The following TMEM87B variants were observed in gnomAD, a reference collection of about 807,000 sequenced individuals.
TMEM87B encodes transmembrane protein 87B.
TMEM87B carries 83 observed loss-of-function variants against 80.3 expected under a neutral mutation model. That is an observed-to-expected ratio of 1.03 (90% CI 0.87 to 1.24). The LOEUF is 1.24. TMEM87B is among the 50% of genes most tolerant of loss of function. The pLI is 0.00. For synonymous variants in TMEM87B, 219 were observed against 230.5 expected, an observed-to-expected ratio of 0.95 and a Z score of 0.45; for missense variants, 625 against 674.4, an observed-to-expected ratio of 0.93 and a Z score of 0.81.
At chr2:112,066,315 G>C (rs183267436) in intron 3 of TMEM87B, among the ~76,000 whole-genome samples, 20 of 152,246 alleles carry the variant, frequency 1.3e-4, no homozygotes, top group African/African-American at 4.8e-4. Context: ...GGTCGGACTT[G>C]TTGATTTTTA....
chr2:112,060,995 G>A (rs180799715), intron 2 of TMEM87B, among the ~76,000 whole-genome samples: 53 of 152,208 alleles, frequency 3.5e-4, no homozygotes, highest in African/African-American at 1.3e-3. Context: ...TTGCTTTTAC[G>A]AATATATGAA....
At position 112,081,428 on chromosome 2, in the gene TMEM87B, T is replaced by C; in HGVS notation, c.748T>C (p.Phe250Leu). Residue 250 changes from phenylalanine (F) to leucine (L), a missense_variant, in exon 8 of 19, where the codon TTC becomes CTC. Physicochemically the swap from Phe to Leu is conservative, Grantham distance 22. Transcript: ENST00000283206. ...CYWKDILRIQ[F>L]WIAAVIFLGM... is the part of the protein sequence containing the mutation. ...TTGGAAAGATATATTAAGAATCCAGTTCTGGATTGCAGCTGTTATTTTTTT... is the reference window on the plus strand; with the variant it reads ...TTGGAAAGATATATTAAGAATCCAGCTCTGGATTGCAGCTGTTATTTTTTT... 2 of 1,613,868 alleles carry C rather than the reference T, an allele frequency of 1.2e-6. No homozygotes were observed. The highest frequency in any genetic ancestry group is 1.3e-5 in the African/African-American group (1 of 75,066).
intron 17 of TMEM87B, among the ~76,000 whole-genome samples, chr2:112,108,742 ACTTTAT>A (rs1679837472): frequency 6.6e-6 from 1 of 151,776 alleles, no homozygotes; most frequent in African/African-American, 2.4e-5. Context: ...CAGGATTTTA[ACTTTAT>A]CTTTAGTTTT....
At chr2:112,113,042 CAGAA>C in intron 18 of TMEM87B, 113 bp downstream of exon 18, 9 of 949,110 alleles carry the variant, frequency 9.5e-6, no homozygotes, top group East Asian at 2.5e-5. Flanking sequence ...ATTGAACAGA[CAGAA>C]AGATGCTATG....
intron 4 of TMEM87B, among the ~76,000 whole-genome samples, chr2:112,074,137 A>C (rs1243492187): frequency 1.3e-5 from 2 of 152,140 alleles, no homozygotes; most frequent in African/African-American, 2.4e-5. Context: ...GTTATTACGC[A>C]GACTCATCTG....
rs372251531 is a variant in TMEM87B, at chr2:112,086,238, A to AT, written c.938+139dup. The AT allele has an allele frequency of 1.7e-5, 10 of 591,270 alleles. No individual in the cohort carries two copies. The African/African-American group carries it at 1.7e-4, about 10-fold the overall frequency. 36.6% of individuals were successfully genotyped at this position (591,270 alleles called of 1,614,324 possible). A position where few individuals can be genotyped will look rare whatever the true frequency, so the allele number is the denominator to read the frequency against. On this transcript the variant is annotated intron_variant, in intron 9 of 18. Coordinates refer to ENST00000283206, the MANE Select transcript of TMEM87B (RefSeq NM_032824.3). ...CTTTGGGAAAAATCTACAAGAACAC[A>AT]TTTTTAAAAGATTTCCACATACTTG...
intron 15 of TMEM87B, among the ~76,000 whole-genome samples, chr2:112,101,333 AG>A (rs998396144): frequency 3.9e-5 from 6 of 152,318 alleles, no homozygotes; most frequent in African/African-American, 1.4e-4. Context: ...GAAAACAAAT[AG>A]AAAAAAATCA....
intron 4 of TMEM87B, among the ~76,000 whole-genome samples, chr2:112,072,895 C>CTTTTTTTT (rs71226782): frequency 2.0e-3 from 165 of 82,980 alleles, no homozygotes; most frequent in Non-Finnish European, 2.7e-3. Context: ...AACTCTTCTT[C>CTTTTTTTT]TTTTTTTTTT....
chr2:112,101,467 C>T (rs1276961323), intron 15 of TMEM87B, among the ~76,000 whole-genome samples: 1 of 152,130 alleles, frequency 6.6e-6, no homozygotes, highest in African/African-American at 2.4e-5. Flanking sequence ...TTAGGGGCAC[C>T]AAACTCCTGA....
intron 4 of TMEM87B, 121 bp from the exon 5 acceptor site, chr2:112,074,791 C>A: frequency 8.2e-7 from 1 of 1,223,540 alleles, no homozygotes; most frequent in Non-Finnish European, 1.1e-6. Flanking sequence ...GAGATTTGTT[C>A]TTTGATGTTT....
At chr2:112,067,886 C>G (rs938286329) in intron 4 of TMEM87B, among the ~76,000 whole-genome samples, 14 of 152,196 alleles carry the variant, frequency 9.2e-5, no homozygotes, top group Non-Finnish European at 1.8e-4. Flanking sequence ...TGCCTTTTCT[C>G]CCTACCAGTG....
chr2:112,055,650 C>T lies in TMEM87B; in HGVS notation c.59C>T (p.Pro20Leu), dbSNP rs1227359640. 8 of 1,568,038 alleles carry T rather than the reference C, an allele frequency of 5.1e-6. No individual in the cohort carries two copies. Among genetic ancestry groups the T allele is most frequent in the Non-Finnish European group, 6.9e-6 (8 of 1,159,954 alleles). The change falls in exon 1 of 19, where the codon CCC (proline) becomes CTC (leucine). Residue 20 changes from proline to leucine, a missense_variant. Transcript: ENST00000283206. Reference sequence around the variant, plus strand: ...CTGCCACGCCGCCGCCGCTGCTTTCCCGCCCGGGCCCCGCTGCTGCGCGTC... The same window carrying T: ...CTGCCACGCCGCCGCCGCTGCTTTCTCGCCCGGGCCCCGCTGCTGCGCGTC... The part of the protein sequence containing the change: ...GLLPRRRRCF[P>L]ARAPLLRVAL...
chr2:112,057,713 C>G (rs6760032), intron 1 of TMEM87B, among the ~76,000 whole-genome samples: 109,190 of 152,126 alleles, frequency 0.72, 39,566 homozygotes, highest in East Asian at 0.91. Flanking sequence ...CACAATAATA[C>G]GGATAACAGA....
intron 14 of TMEM87B, among the ~76,000 whole-genome samples, chr2:112,100,320 A>G (rs1679595675): frequency 6.6e-6 from 1 of 152,192 alleles, no homozygotes; most frequent in Non-Finnish European, 1.5e-5. Context: ...CAGAGAGGTA[A>G]ACCTGACATG....
chr2:112,056,853 C>T (rs1024026099), intron 1 of TMEM87B, among the ~76,000 whole-genome samples: 21 of 152,164 alleles, frequency 1.4e-4, no homozygotes, highest in African/African-American at 4.8e-4. Flanking sequence ...GTCTGCACAT[C>T]TCCATTATTT....
At chr2:112,095,438 A>C in intron 11 of TMEM87B, 1 of 983,238 alleles carries the variant, frequency 1.0e-6, no homozygotes, top group African/African-American at 1.7e-5. Flanking sequence ...GTGGAGGCTT[A>C]GGCAATTTCA....
rs1372175599 is a variant in TMEM87B, at chr2:112,118,541, AT to A, written c.*2401del. ...ATTTGCTTAAAAGGGAATTTTCATGATTTGATTTAGATTAGTATTTAAATAT... is the reference window on the plus strand; with the variant it reads ...ATTTGCTTAAAAGGGAATTTTCATGATTGATTTAGATTAGTATTTAAATAT... On this transcript the variant is annotated 3_prime_UTR_variant, in exon 19 of 19. Transcript: ENST00000283206. The A allele has an allele frequency of 6.6e-6, 1 of 152,144 alleles. No homozygotes were observed. Among genetic ancestry groups the A allele is most frequent in the African/African-American group, 2.4e-5 (1 of 41,438 alleles). The allele number at this position is 152,144 out of a possible 1,614,324, so 9.4% of individuals were successfully genotyped here.
chr2:112,064,107 T>C (rs1573681479), intron 2 of TMEM87B, 55 bp from the exon 3 acceptor site: 1 of 1,446,324 alleles, frequency 6.9e-7, no homozygotes, highest in East Asian at 2.3e-5. Context: ...ACCTTAAGTT[T>C]ATATTAGAGT....
intron 4 of TMEM87B, among the ~76,000 whole-genome samples, chr2:112,074,360 TC>T (rs1188350090): frequency 6.6e-6 from 1 of 152,228 alleles, no homozygotes; most frequent in African/African-American, 2.4e-5. Flanking sequence ...GGTTGGAATT[TC>T]TTTTGTTTAA....
Sources: allele counts gnomAD v4.1 joint callset (sites outside exome capture counted in the v4.1 genomes callset), GRCh38; gene constraint gnomAD v4.1.1; transcripts MANE v1.5; gene names NCBI Gene and HGNC (gene_info 2026-07-23, HGNC 2026-07-21).